The following TESMIN variants were observed in gnomAD, a reference collection of about 807,000 sequenced individuals.
TESMIN encodes the protein testis expressed metallothionein like protein, also known as CXC domain containing 2.
Under a neutral mutation model 47.4 loss-of-function variants are expected in TESMIN, and 34 were observed. The ratio of observed to expected loss-of-function variants is 0.72; its 90% confidence interval spans 0.55 to 0.96. The LOEUF is 0.96. TESMIN is among the 40% of genes least tolerant of loss of function. TESMIN has a pLI of 0.00. For synonymous variants in TESMIN, 278 were observed against 258.9 expected, an observed-to-expected ratio of 1.07 and a Z score of -0.71; for missense variants, 610 against 637.2, an observed-to-expected ratio of 0.96 and a Z score of 0.46.
chr11:68,706,145 A>T (rs1360466577), downstream of TESMIN, among the ~76,000 whole-genome samples: 1 of 152,192 alleles, frequency 6.6e-6, no homozygotes, highest in Non-Finnish European at 1.5e-5. Flanking sequence ...CAAACACATA[A>T]GAGATGGGAT....
chr11:68,726,516 A>T (rs569831932), intron 6 of TESMIN, among the ~76,000 whole-genome samples: 2 of 152,364 alleles, frequency 1.3e-5, no homozygotes, highest in East Asian at 3.9e-4. Flanking sequence ...CCATAAGGAG[A>T]AAAATTCAAG....
chr11:68,705,233 G>GC (rs1385070477), downstream of TESMIN, among the ~76,000 whole-genome samples: 1 of 152,202 alleles, frequency 6.6e-6, no homozygotes, highest in Non-Finnish European at 1.5e-5. Flanking sequence ...GCCCCCTCCT[G>GC]CTCTCTGGAT....
At chr11:68,709,852 T>C (rs1333884805) in intron 9 of TESMIN, among the ~76,000 whole-genome samples, 6 of 152,130 alleles carry the variant, frequency 3.9e-5, no homozygotes, top group Non-Finnish European at 7.3e-5. Context: ...CAGCCAGGTT[T>C]TGGTAAATTT....
intron 6 of TESMIN, chr11:68,737,243 G>C (rs972263528): frequency 1.0e-6 from 1 of 985,438 alleles, no homozygotes. Context: ...CACACCCAGA[G>C]AGTGAAGCAA....
intron 6 of TESMIN, among the ~76,000 whole-genome samples, chr11:68,726,528 G>C (rs181906847): frequency 6.6e-6 from 1 of 152,248 alleles, no homozygotes; most frequent in East Asian, 1.9e-4. Context: ...AAATTCAAGA[G>C]ATGAAACAAA....
At chr11:68,746,183 AC>A (rs1946518201) in intron 3 of TESMIN, among the ~76,000 whole-genome samples, 1 of 151,696 alleles carries the variant, frequency 6.6e-6, no homozygotes, top group East Asian at 1.9e-4. Flanking sequence ...ACACACACAC[AC>A]ACACACACAC....
At position 68,747,328 on chromosome 11, in the gene TESMIN, A is replaced by G. The variant is rs1334422940; in HGVS notation, c.510T>C (p.Asn170=). 6 of 1,614,094 alleles carry G rather than the reference A, an allele frequency of 3.7e-6. No homozygotes were observed. The South Asian group carries it at 4.4e-5, about 12-fold the overall frequency. Residue 170 remains asparagine (N), a synonymous_variant, in exon 3 of 10, where the codon AAT becomes AAC. Coordinates refer to ENST00000255087, the MANE Select transcript of TESMIN (RefSeq NM_004923.3). ...TCTGCAAAGTTGCTTCTTCCGGATT[A>G]TTACTTGTAGTAGTACCACCTGCTT... is the stretch of plus-strand genomic sequence containing the variant. The part of the protein sequence containing the change: ...IKEAGGTTTS[N]NPEEATLQNL...
At chr11:68,730,540 A>G (rs1946314585) in intron 6 of TESMIN, among the ~76,000 whole-genome samples, 1 of 152,236 alleles carries the variant, frequency 6.6e-6, no homozygotes, top group Admixed American at 6.5e-5. Context: ...CATGCCTGTA[A>G]TCCCAGCACT....
chr11:68,747,551 G>C (rs541256703), intron 2 of TESMIN, among the ~76,000 whole-genome samples, 185 bp from the exon 3 acceptor site: 10 of 152,320 alleles, frequency 6.6e-5, no homozygotes, highest in Admixed American at 3.3e-4. Flanking sequence ...TTGAACCTGG[G>C]AGGCGGAGGT....
intron 7 of TESMIN, among the ~76,000 whole-genome samples, chr11:68,714,269 T>C (rs1288504612): frequency 1.3e-5 from 2 of 152,170 alleles, no homozygotes; most frequent in African/African-American, 2.4e-5. Flanking sequence ...CAGCCTGCGG[T>C]GCGCGGCTTT....
intron 6 of TESMIN, among the ~76,000 whole-genome samples, chr11:68,734,144 A>G (rs965742154): frequency 2.6e-5 from 4 of 152,222 alleles, no homozygotes; most frequent in Admixed American, 2.0e-4. Flanking sequence ...ACCAGTGCTA[A>G]AGCAGTCCAC....
At chr11:68,721,258 C>T (rs1323886484) in intron 6 of TESMIN, among the ~76,000 whole-genome samples, 1 of 152,020 alleles carries the variant, frequency 6.6e-6, no homozygotes, top group Non-Finnish European at 1.5e-5. Context: ...TCTTTCTGTT[C>T]CTAGAACCAT....
chr11:68,747,339 T>C lies in TESMIN; in HGVS notation c.499A>G (p.Thr167Ala). ...GCTTCTTCCGGATTATTACTTGTAG[T>C]AGTACCACCTGCTTCCTTGATTTCA... is the stretch of plus-strand genomic sequence containing the variant. The part of the protein sequence containing the change: ...PVEIKEAGGT[T>A]TSNNPEEATL... The change falls in exon 3 of 10, where the codon ACT becomes GCT. Residue 167 changes from threonine (T) to alanine (A), a missense_variant. Coordinates refer to ENST00000255087, the MANE Select transcript of TESMIN (RefSeq NM_004923.3). 1 of 1,613,608 alleles carries C rather than the reference T, an allele frequency of 6.2e-7. No homozygotes were observed. Among genetic ancestry groups the C allele is most frequent in the Non-Finnish European group, 8.5e-7 (1 of 1,179,466 alleles).
chr11:68,747,729 T>C (rs773006187), intron 2 of TESMIN, among the ~76,000 whole-genome samples: 1 of 152,196 alleles, frequency 6.6e-6, no homozygotes, highest in Non-Finnish European at 1.5e-5. Context: ...TATAGGAAGA[T>C]TTGTAATTAG....
chr11:68,710,898 C>A lies in TESMIN; in HGVS notation c.1310G>T (p.Gly437Val). 6.2e-7 allele frequency: 1 copy of A among 1,613,358 alleles called. No individual in the cohort carries two copies. Among genetic ancestry groups the A allele is most frequent in the South Asian group, 1.1e-5 (1 of 90,764 alleles). ...SHYLPPTKFS[G>V]LPRFSHDRRP... ...CCTATCGTGACTGAATCTTGGAAGT[C>A]CTGAAAATTTCGTTGGTGGCAGGTA... The change falls in exon 9 of 10, where the codon GGA (glycine) becomes GTA (valine). Residue 437 changes from glycine to valine, a missense_variant. Gly to Val is a moderately radical substitution (Grantham distance 109, BLOSUM62 -3). Transcript: ENST00000255087.
chr11:68,731,445 T>A (rs74443311), intron 6 of TESMIN, among the ~76,000 whole-genome samples: 22 of 148,232 alleles, frequency 1.5e-4, no homozygotes, highest in African/African-American at 2.5e-4. Flanking sequence ...AGTTATAAAA[T>A]AAAAAAAAAA....
chr11:68,712,134 C>T (rs1001607135), intron 8 of TESMIN, among the ~76,000 whole-genome samples: 8 of 152,250 alleles, frequency 5.3e-5, no homozygotes, highest in African/African-American at 1.9e-4. Flanking sequence ...CAGTGCTATC[C>T]CTTTCCTCTG....
intron 6 of TESMIN, among the ~76,000 whole-genome samples, chr11:68,723,245 T>A (rs946501859): frequency 6.6e-6 from 1 of 151,886 alleles, no homozygotes; most frequent in Non-Finnish European, 1.5e-5. Context: ...AAAATATCAT[T>A]TAAAAATATA....
At chr11:68,749,404 C>A (rs1946561288) in intron 2 of TESMIN, among the ~76,000 whole-genome samples, 1 of 152,250 alleles carries the variant, frequency 6.6e-6, no homozygotes, top group African/African-American at 2.4e-5. Flanking sequence ...GTCCCACAAA[C>A]GCTTCATCTA....
Sources: gnomAD v4.1 joint callset for allele counts (sites outside exome capture counted in the v4.1 genomes callset) on GRCh38, gnomAD v4.1.1 for gene constraint, MANE v1.5 for transcripts, NCBI Gene and HGNC (gene_info 2026-07-23, HGNC 2026-07-21) for gene names.